UBE2V2: variants seen among roughly 807,000 people sequenced by gnomAD.
The protein encoded by UBE2V2 is ubiquitin-conjugating enzyme E2 variant 2.
In UBE2V2, 9 loss-of-function variants were observed where a neutral mutation model predicts 17.2. That is an observed-to-expected ratio of 0.52 (90% CI 0.32 to 0.91). UBE2V2 has a LOEUF of 0.91. Ranked by LOEUF, UBE2V2 falls within the 40% of genes least tolerant of loss-of-function variation. UBE2V2 has a pLI of 0.04. For missense variants in UBE2V2, 133 were observed against 182.6 expected (o/e 0.73, Z 1.56); for synonymous variants, 61 against 57.5 (o/e 1.06, Z -0.28).
At chr8:48,032,174 A>G (rs1199591414) in intron 1 of UBE2V2, among the ~76,000 whole-genome samples, 1 of 152,216 alleles carries the variant, frequency 6.6e-6, no homozygotes, top group East Asian at 1.9e-4. Context: ...ACTGGATTCT[A>G]CAAACATACT....
intron 3 of UBE2V2, among the ~76,000 whole-genome samples, chr8:48,057,696 G>A (rs1180824366): frequency 1.3e-5 from 2 of 151,958 alleles, no homozygotes; most frequent in Admixed American, 1.3e-4. Flanking sequence ...GAAGGAGGGA[G>A]GGGAGATATT....
chr8:48,026,002 G>C (rs946015597), intron 1 of UBE2V2, among the ~76,000 whole-genome samples: 7 of 152,122 alleles, frequency 4.6e-5, no homozygotes, highest in African/African-American at 1.7e-4. Flanking sequence ...ATCAGAGGTA[G>C]AATTTACAAC....
chr8:48,008,195 T>C (rs976247208), upstream of UBE2V2, among the ~76,000 whole-genome samples: 38 of 152,166 alleles, frequency 2.5e-4, no homozygotes, highest in African/African-American at 8.7e-4. Flanking sequence ...GTGCTGGGAT[T>C]ACAGACGTGA....
At chr8:48,004,600 C>T (rs1454424948), upstream of UBE2V2, among the ~76,000 whole-genome samples, 4 of 148,466 alleles carry the variant, frequency 2.7e-5, no homozygotes, top group Non-Finnish European at 4.4e-5. Context: ...GGTGTGATCT[C>T]AGCTCACTGC....
intron 3 of UBE2V2, among the ~76,000 whole-genome samples, chr8:48,058,011 T>G (rs1465042452): frequency 6.6e-6 from 1 of 152,142 alleles, no homozygotes; most frequent in Non-Finnish European, 1.5e-5. Flanking sequence ...GGCTAGAACC[T>G]CTCCAGTACA....
In UBE2V2 at chr8:48,063,227, G is replaced by T. The variant is rs976539784; in HGVS notation, c.*2399G>T. 2.0e-5 allele frequency: 3 copies of T among 152,204 alleles called. No individual in the cohort carries two copies. Among genetic ancestry groups the T allele is most frequent in the Admixed American group, 2.0e-4 (3 of 15,274 alleles). The allele number at this position is 152,204 out of a possible 1,614,324, so 9.4% of individuals were successfully genotyped here. Reference sequence around the variant, plus strand: ...TTCCCCTCTTGTTTGTGGGATTATGGATCTCTGCAGAAATCTGCATGCCAA... The same window carrying T: ...TTCCCCTCTTGTTTGTGGGATTATGTATCTCTGCAGAAATCTGCATGCCAA... On this transcript the variant is annotated 3_prime_UTR_variant, in exon 4 of 4. Transcript: ENST00000523111.
chr8:48,054,248 C>T (rs921527394), intron 3 of UBE2V2, among the ~76,000 whole-genome samples: 1 of 152,164 alleles, frequency 6.6e-6, no homozygotes, highest in African/African-American at 2.4e-5. Flanking sequence ...ATGGACACAC[C>T]TTGAGTAGTG....
chr8:48,055,109 C>G (rs979213712), intron 3 of UBE2V2, among the ~76,000 whole-genome samples: 1 of 151,928 alleles, frequency 6.6e-6, no homozygotes, highest in Admixed American at 6.6e-5. Flanking sequence ...AAGGAGGTTG[C>G]CACTCTTTAA....
rs1345152440 is a variant in UBE2V2 at position 48,062,680 on chromosome 8, C to T, written c.*1852C>T. The T allele has an allele frequency of 2.0e-5, 3 of 152,032 alleles. No individual in the cohort carries two copies. The highest frequency in any genetic ancestry group is 4.4e-5 in the Non-Finnish European group (3 of 68,014). The allele number at this position is 152,032 out of a possible 1,614,324, so 9.4% of individuals were successfully genotyped here. Reference sequence around the variant, plus strand: ...TAGTAGAGCACATTTCTCAAACATGCCCTGAAAGGCTTTTATCAAGCTCAT... The same window carrying T: ...TAGTAGAGCACATTTCTCAAACATGTCCTGAAAGGCTTTTATCAAGCTCAT... On this transcript the variant is annotated 3_prime_UTR_variant, in exon 4 of 4. Transcript: ENST00000523111.
At position 48,064,083 on chromosome 8, in the gene UBE2V2, C is replaced by G. The variant is rs1267588555; in HGVS notation, c.*3255C>G. 6.6e-6 allele frequency: 1 copy of G among 152,100 alleles called. No homozygotes were observed. Among genetic ancestry groups the G allele is most frequent in the African/African-American group, 2.4e-5 (1 of 41,420 alleles). The allele number at this position is 152,100 out of a possible 1,614,324, so 9.4% of individuals were successfully genotyped here. On this transcript the variant is annotated 3_prime_UTR_variant, in exon 4 of 4. Coordinates refer to ENST00000523111, the MANE Select transcript of UBE2V2 (RefSeq NM_003350.3). ...AAACTGTATCAACTCTTTTAATGAG[C>G]ATGTGACTGTATTAGGTACATTTTG... is the stretch of plus-strand genomic sequence containing the variant.
intron 1 of UBE2V2, chr8:48,035,039 G>C: frequency 2.0e-6 from 2 of 984,460 alleles, no homozygotes; most frequent in Non-Finnish European, 2.4e-6. Flanking sequence ...AACGAAAGCA[G>C]AAGTTAGCAT....
upstream of UBE2V2, among the ~76,000 whole-genome samples, chr8:48,003,678 C>T (rs1289697677): frequency 6.6e-6 from 1 of 152,044 alleles, no homozygotes; most frequent in Non-Finnish European, 1.5e-5. Flanking sequence ...ACAGAGAGAA[C>T]ATATTAGTTT....
chr8:48,004,577 G>A (rs1642138948), upstream of UBE2V2, among the ~76,000 whole-genome samples: 1 of 150,416 alleles, frequency 6.6e-6, no homozygotes, highest in South Asian at 2.1e-4. Flanking sequence ...TGTCATCCAG[G>A]CTGGAGTGCA....
intron 3 of UBE2V2, 75 bp downstream of exon 3, chr8:48,050,053 A>G: frequency 3.8e-6 from 4 of 1,056,824 alleles, no homozygotes; most frequent in Non-Finnish European, 5.1e-6. Flanking sequence ...ACACACCATA[A>G]TATATGTAAG....
At chr8:48,047,270 A>G (rs921014023) in intron 2 of UBE2V2, among the ~76,000 whole-genome samples, 17 of 151,898 alleles carry the variant, frequency 1.1e-4, no homozygotes, top group African/African-American at 4.1e-4. Context: ...TTGTTCTAGT[A>G]TTTATTTGGA....
chr8:48,057,725 A>G (rs931390951), intron 3 of UBE2V2, among the ~76,000 whole-genome samples: 8 of 152,186 alleles, frequency 5.3e-5, no homozygotes, highest in African/African-American at 1.7e-4. Flanking sequence ...TTCAGTGCAC[A>G]AGTTTTACAC....
intron 1 of UBE2V2, chr8:48,042,149 C>T (rs2154507707): frequency 6.6e-6 from 1 of 152,266 alleles, no homozygotes; most frequent in African/African-American, 2.4e-5. Context: ...CTTTTAAATT[C>T]ATTAAGAAGT....
intron 3 of UBE2V2, among the ~76,000 whole-genome samples, chr8:48,059,786 G>C (rs1664043139): frequency 6.6e-6 from 1 of 152,170 alleles, no homozygotes; most frequent in Non-Finnish European, 1.5e-5. Flanking sequence ...GAGCTCTGAG[G>C]TCAGATAAAG....
At chr8:48,042,936 A>T in intron 1 of UBE2V2, 97 bp from the exon 2 acceptor site, 3 of 1,244,494 alleles carry the variant, frequency 2.4e-6, no homozygotes, top group Non-Finnish European at 3.1e-6. Flanking sequence ...TTTGGGAAAT[A>T]ATTTATAAAG....
Sources: allele counts gnomAD v4.1 joint callset (sites outside exome capture counted in the v4.1 genomes callset), GRCh38; gene constraint gnomAD v4.1.1; transcripts MANE v1.5; gene names NCBI Gene and HGNC (gene_info 2026-07-23, HGNC 2026-07-21).